TGM2: variants seen among roughly 807,000 people sequenced by gnomAD.
TGM2 encodes the protein protein-glutamine gamma-glutamyltransferase 2.
A neutral mutation model predicts 75.6 loss-of-function variants in TGM2; 53 were observed. The observed-to-expected ratio is 0.70, with a 90% CI of 0.56 to 0.88. The LOEUF (loss-of-function observed/expected upper bound fraction) is 0.88. Among genes scored for constraint, TGM2 ranks in the 40% least tolerant of loss-of-function variants. TGM2 has a pLI of 0.00. For synonymous variants in TGM2, 374 were observed against 381.1 expected (o/e 0.98, Z 0.22); for missense variants, 842 against 928.5 (o/e 0.91, Z 1.21).
At chr20:38,147,062 T>G (rs919575783) in intron 5 of TGM2, among the ~76,000 whole-genome samples, 168 bp from the exon 6 acceptor site, 3 of 147,976 alleles carry the variant, frequency 2.0e-5, no homozygotes, top group South Asian at 2.2e-4. Flanking sequence ...GTGCGGCAGA[T>G]GGTGGGGGCT....
intron 10 of TGM2, among the ~76,000 whole-genome samples, chr20:38,134,265 C>G (rs1380322206): frequency 6.6e-6 from 1 of 152,188 alleles, no homozygotes; most frequent in Non-Finnish European, 1.5e-5. Flanking sequence ...GCCTTTCATT[C>G]CCTGGGTGGA....
intron 10 of TGM2, 43 bp from the exon 11 acceptor site, chr20:38,132,543 C>A (rs769137025): frequency 6.2e-7 from 1 of 1,611,930 alleles, no homozygotes; most frequent in East Asian, 2.2e-5. Flanking sequence ...TGCAGAATCA[C>A]CCCTCCCAAC....
intron 10 of TGM2, among the ~76,000 whole-genome samples, chr20:38,137,357 C>T (rs759683207): frequency 2.4e-4 from 37 of 152,098 alleles, no homozygotes; most frequent in Non-Finnish European, 4.4e-4. Flanking sequence ...TGGTGGTGCA[C>T]GCCTGTAATC....
Position 38,161,373 on chromosome 20 carries a change from AGTGGTGGTGGTG to A in TGM2, c.190+35_190+46del, listed in dbSNP as rs372765546. 5.7e-6 allele frequency: 9 copies of A among 1,589,738 alleles called. No individual in the cohort carries two copies. The East Asian group carries it at 1.3e-4, about 24-fold the overall frequency. ...CTGGGGCATGTCGGGGTGGAGAGGA[AGTGGTGGTGGTG>A]GTGGTGGTGGTGGAGTGGGGTTGCA... is the stretch of plus-strand genomic sequence containing the variant. On this transcript the variant is annotated intron_variant, in intron 2 of 12. Transcript: ENST00000361475.
intron 3 of TGM2, among the ~76,000 whole-genome samples, chr20:38,154,810 G>A (rs985840522): frequency 2.0e-5 from 3 of 149,682 alleles, no homozygotes; most frequent in Non-Finnish European, 3.0e-5. Context: ...ATTTAAAACA[G>A]GGCCTCCCAC....
chr20:38,140,181 A>G (rs906547419), intron 8 of TGM2, among the ~76,000 whole-genome samples: 3 of 152,244 alleles, frequency 2.0e-5, no homozygotes, highest in African/African-American at 7.2e-5. Context: ...CCAAGTGAAT[A>G]CGGGTGCCTG....
chr20:38,145,298 A>G (rs546653743), intron 6 of TGM2: 2 of 152,220 alleles, frequency 1.3e-5, no homozygotes, highest in Non-Finnish European at 2.9e-5. Flanking sequence ...GAAGCCCCAG[A>G]CCAGCCTTTT....
intron 7 of TGM2, among the ~76,000 whole-genome samples, chr20:38,141,774 G>T (rs1026578030): frequency 1.6e-5 from 1 of 63,690 alleles, no homozygotes; most frequent in African/African-American, 6.2e-5. Flanking sequence ...TGTCAGCCCC[G>T]CCCTCTCCCA....
At chr20:38,165,414 C>G, upstream of TGM2, 1 of 654,348 alleles carries the variant, frequency 1.5e-6, no homozygotes. Flanking sequence ...CCCAGGGGAC[C>G]GGAGCCCGAG....
At position 38,128,462 on chromosome 20, in the gene TGM2, T is replaced by C. The variant is rs568820905; in HGVS notation, c.*1757A>G. On this transcript the variant is annotated 3_prime_UTR_variant, in exon 13 of 13. Coordinates refer to ENST00000361475, the MANE Select transcript of TGM2 (RefSeq NM_004613.4). ...CATAAAGGAACAGACCAGACCTAGT[T>C]TGAGTGTGAAAAATAAACTATTTTA... 6.6e-6 allele frequency: 1 copy of C among 151,944 alleles called. No individual in the cohort carries two copies. The highest frequency in any genetic ancestry group is 2.4e-5 in the African/African-American group (1 of 41,436). 9.4% of individuals were successfully genotyped at this position (151,944 alleles called of 1,614,324 possible).
At chr20:38,155,490 C>T (rs2075172521) in intron 3 of TGM2, among the ~76,000 whole-genome samples, 1 of 152,144 alleles carries the variant, frequency 6.6e-6, no homozygotes. Flanking sequence ...CACAGGCGTG[C>T]ACTACCACAC....
At position 38,165,171 on chromosome 20, in the gene TGM2, G is replaced by C. The variant is rs749461695; in HGVS notation, c.10+18C>G. 2 of 1,613,212 alleles carry C rather than the reference G, an allele frequency of 1.2e-6. No individual in the cohort carries two copies. The highest frequency in any genetic ancestry group is 1.3e-5 in the African/African-American group (1 of 74,930). ...CCCGGGGCCCCTGAGTGGCGGCTGC[G>C]GTGACTCTGATACTCACCCTCGGCC... On this transcript the variant is annotated intron_variant, in intron 1 of 12. Transcript: ENST00000361475.
chr20:38,153,449 C>A lies in TGM2; in HGVS notation c.434-2392G>T, dbSNP rs45497901. On this transcript the variant is annotated intron_variant, in intron 3 of 12. Transcript: ENST00000361475. ...CTGAGGCATGAGAATCATTTCAACC[C>A]GGGAGGCAGAGGTTGGAGTGAGGCG... Among the ~76,000 whole-genome samples, 52 of 147,392 alleles carry A rather than the reference C, an allele frequency of 3.5e-4. 1 individual carries two copies. The highest frequency in any genetic ancestry group is 1.3e-4 in the Non-Finnish European group (9 of 67,748).
At chr20:38,152,074 T>G (rs1189937680) in intron 3 of TGM2, among the ~76,000 whole-genome samples, 1 of 152,224 alleles carries the variant, frequency 6.6e-6, no homozygotes, top group African/African-American at 2.4e-5. Context: ...ATGTTATGAC[T>G]GCCTTGGTTA....
At chr20:38,149,437 G>C (rs1426316633) in intron 4 of TGM2, among the ~76,000 whole-genome samples, 1 of 152,086 alleles carries the variant, frequency 6.6e-6, no homozygotes, top group East Asian at 1.9e-4. Context: ...CAGCACTTTG[G>C]GAGGCTGAGG....
At chr20:38,144,008 T>G (rs1363191356) in intron 6 of TGM2, among the ~76,000 whole-genome samples, 2 of 152,170 alleles carry the variant, frequency 1.3e-5, no homozygotes, top group African/African-American at 2.4e-5. Context: ...GGCTCAGCCC[T>G]AAGGCTGCCC....
At chr20:38,144,828 C>T (rs1366544434) in intron 6 of TGM2, among the ~76,000 whole-genome samples, 2 of 152,110 alleles carry the variant, frequency 1.3e-5, no homozygotes, top group African/African-American at 4.8e-5. Context: ...GCCAAGTTTT[C>T]CCTGGCTCCA....
chr20:38,141,648 C>A (rs778237667), intron 7 of TGM2, among the ~76,000 whole-genome samples: 19 of 151,976 alleles, frequency 1.3e-4, no homozygotes, highest in African/African-American at 4.1e-4. Context: ...GCCCCTTTGA[C>A]CTCCTAATTT....
chr20:38,149,264 CT>C (rs962222578), intron 4 of TGM2, among the ~76,000 whole-genome samples: 5 of 152,220 alleles, frequency 3.3e-5, no homozygotes, highest in African/African-American at 7.2e-5. Flanking sequence ...GAAGTACCCC[CT>C]GATCCCCATA....
Sources: gnomAD v4.1 joint callset for allele counts (sites outside exome capture counted in the v4.1 genomes callset) on GRCh38, gnomAD v4.1.1 for gene constraint, MANE v1.5 for transcripts, NCBI Gene and HGNC (gene_info 2026-07-23, HGNC 2026-07-21) for gene names.